The following NCOR1 variants were observed in gnomAD, a reference collection of about 807,000 sequenced individuals.
NCOR1 encodes nuclear receptor corepressor 1.
Under a neutral mutation model 288.1 loss-of-function variants are expected in NCOR1, and 63 were observed. The ratio of observed to expected loss-of-function variants is 0.22; its 90% CI spans 0.18 to 0.27. The LOEUF is 0.27. Among genes scored for constraint, NCOR1 ranks in the 10% least tolerant of loss-of-function variants. The pLI, the probability that NCOR1 is intolerant of heterozygous loss-of-function variation, is 1.00. For synonymous variants in NCOR1, 1,007 were observed against 1,065.9 expected (o/e 0.94, Z 1.08); for missense variants, 2,397 against 3,019.2 (o/e 0.79, Z 4.83).
chr17:16,070,326 A>G lies in NCOR1; in HGVS notation c.4352T>C (p.Val1451Ala), dbSNP rs752397038. 5 of 1,614,146 alleles carry G rather than the reference A, an allele frequency of 3.1e-6. No individual in the cohort carries two copies. In the South Asian group the frequency reaches 5.5e-5, roughly 18 times the overall value. ...AAGAACGGAGGGGCCAGAGCTTACCACTGACGTGTGCCGGGAACGCACGGT... is the reference window on the plus strand; with the variant it reads ...AAGAACGGAGGGGCCAGAGCTTACCGCTGACGTGTGCCGGGAACGCACGGT... ...GETVRSRHTS[V>A]VSSGPSVLRS... The change falls in exon 31 of 46, where the codon GTG (valine) becomes GCG (alanine). Residue 1451 changes from valine (V) to alanine (A), a missense_variant. Physicochemically the swap from Val to Ala is moderately conservative, Grantham distance 64 (BLOSUM62 0). Transcript: ENST00000268712.
In NCOR1 at chr17:16,039,673, C is replaced by T. The variant is rs1325296171; in HGVS notation, c.6734-19G>A. ...ACTGAGCCTGAAAGAGAATCAAAAA[C>T]ATTTCCACTTATTTCTGAAAGGCCA... is the stretch of plus-strand genomic sequence containing the variant. On this transcript the variant is annotated intron_variant, in intron 43 of 45. Coordinates refer to ENST00000268712, the MANE Select transcript of NCOR1 (RefSeq NM_006311.4). 6 of 1,599,770 alleles carry T rather than the reference C, an allele frequency of 3.8e-6. No homozygotes were observed.
intron 26 of NCOR1, among the ~76,000 whole-genome samples, chr17:16,076,026 G>T (rs944148920): frequency 2.0e-5 from 3 of 152,192 alleles, no homozygotes; most frequent in African/African-American, 4.8e-5. Flanking sequence ...TCAAGTAAAT[G>T]TAACAGCTTT....
chr17:16,099,913 C>T (rs2067291189), intron 20 of NCOR1, among the ~76,000 whole-genome samples: 1 of 152,044 alleles, frequency 6.6e-6, no homozygotes, highest in South Asian at 2.1e-4. Context: ...CACTATAATG[C>T]TCCATATTAT....
intron 29 of NCOR1, 50 bp from the exon 30 acceptor site, chr17:16,071,715 CAAT>C: frequency 6.5e-7 from 1 of 1,541,018 alleles, no homozygotes. Flanking sequence ...GGTTGCACAA[CAAT>C]GCCACGGAAC....
intron 44 of NCOR1, among the ~76,000 whole-genome samples, chr17:16,037,685 T>C (rs972224203): frequency 1.3e-5 from 2 of 152,140 alleles, no homozygotes; most frequent in Non-Finnish European, 2.9e-5. Flanking sequence ...AGAAATAATA[T>C]GTAAAGGAAA....
chr17:16,177,809 C>A (rs1372185966), intron 3 of NCOR1, among the ~76,000 whole-genome samples: 1 of 152,160 alleles, frequency 6.6e-6, no homozygotes, highest in African/African-American at 2.4e-5. Flanking sequence ...AAACCATTCA[C>A]CACCACCAAT....
intron 21 of NCOR1, 144 bp downstream of exon 21, chr17:16,098,223 T>C (rs2066987482): frequency 6.4e-6 from 5 of 785,082 alleles, no homozygotes; most frequent in South Asian, 5.3e-5. Context: ...ACTGTATACT[T>C]AGAATTGGTT....
At chr17:16,147,840 C>A (rs752552635) in intron 9 of NCOR1, among the ~76,000 whole-genome samples, 1 of 151,796 alleles carries the variant, frequency 6.6e-6, no homozygotes, top group African/African-American at 2.4e-5. Context: ...TTTTTTGGAA[C>A]CAAGTTTCAC....
intron 37 of NCOR1, among the ~76,000 whole-genome samples, chr17:16,060,712 G>T (rs2060460589): frequency 6.6e-6 from 1 of 151,990 alleles, no homozygotes; most frequent in South Asian, 2.1e-4. Context: ...ATTCAATGGA[G>T]ATAACAGAAA....
At chr17:16,158,652 A>C (rs1174880257) in intron 6 of NCOR1, 108 bp downstream of exon 6, 2 of 589,604 alleles carry the variant, frequency 3.4e-6, no homozygotes, top group Non-Finnish European at 5.7e-6. Flanking sequence ...TTGTAAGAGA[A>C]ATCAGGTTTT....
At position 16,080,632 on chromosome 17, in the gene NCOR1, T is replaced by C. The variant is rs768048910; in HGVS notation, c.3273A>G (p.Pro1091=). The C allele has an allele frequency of 6.2e-6, 10 of 1,614,128 alleles. No individual in the cohort carries two copies. Among genetic ancestry groups the C allele is most frequent in the Non-Finnish European group, 8.5e-6 (10 of 1,179,988 alleles). Residue 1091 remains proline (P), a synonymous_variant, in exon 24 of 46, where the codon CCA becomes CCG. Coordinates refer to ENST00000268712, the MANE Select transcript of NCOR1 (RefSeq NM_006311.4). ...PSVGSISLGL[P]RQQESAKSAT... Reference sequence around the variant, plus strand: ...CTGATTTGGCAGATTCCTGTTGCCGTGGCAGTCCAAGAGAGATAGATCCCA... The same window carrying C: ...CTGATTTGGCAGATTCCTGTTGCCGCGGCAGTCCAAGAGAGATAGATCCCA...
chr17:16,136,806 C>CAAAAAAA (rs60523446), intron 14 of NCOR1, among the ~76,000 whole-genome samples: 3 of 111,804 alleles, frequency 2.7e-5, no homozygotes, highest in African/African-American at 7.4e-5. Context: ...GACTCTGTTT[C>CAAAAAAA]AAAAAAAAAA....
intron 1 of NCOR1, among the ~76,000 whole-genome samples, chr17:16,207,568 C>G (rs1344747165): frequency 1.3e-5 from 2 of 151,868 alleles, no homozygotes; most frequent in African/African-American, 4.8e-5. Context: ...AGTGAAACCC[C>G]ATCTCTACTA....
In NCOR1 at chr17:16,186,567, G is replaced by A. The variant is rs764563143; in HGVS notation, c.229C>T (p.Pro77Ser). ...AAACCTCATTACCTGTCAGAACCTG[G>A]GTGAAATTCTGAAAGCAAGGAAGGT... ...RRPSLLSEFH[P>S]GSDRPQERRT... The change falls in exon 3 of 46, where the codon CCA becomes TCA. Residue 77 changes from proline (P) to serine (S), a missense_variant. Coordinates refer to ENST00000268712, the MANE Select transcript of NCOR1 (RefSeq NM_006311.4). 2 of 1,613,940 alleles carry A rather than the reference G, an allele frequency of 1.2e-6. No homozygotes were observed. Among genetic ancestry groups the A allele is most frequent in the South Asian group, 2.2e-5 (2 of 91,030 alleles).
Position 16,153,390 on chromosome 17 carries a change from T to A in NCOR1, c.738A>T (p.Lys246Asn). ...VQIIYDENRKKAEEAHKIFEG... is the reference protein window; with the variant it reads ...VQIIYDENRKNAEEAHKIFEG... ...CAAAAATTTTATGAGCTTCTTCTGC[T>A]TTTTTCTAGAGATAAAGACATTGTT... Residue 246 changes from lysine to asparagine, a missense_variant, in exon 7 of 46, where the codon AAA (lysine) becomes AAT (asparagine). By Grantham distance (94) the Lys-to-Asn change is moderately conservative. This residue lies in a region of NCOR1 where 76 missense variants were observed against 102.2 expected (regional missense o/e 0.74). Transcript: ENST00000268712. 2 of 1,593,462 alleles carry A rather than the reference T, an allele frequency of 1.3e-6. No homozygotes were observed. The highest frequency in any genetic ancestry group is 1.7e-6 in the Non-Finnish European group (2 of 1,166,782).
At chr17:16,164,902 A>C in intron 5 of NCOR1, 77 bp downstream of exon 5, 1 of 1,084,762 alleles carries the variant, frequency 9.2e-7, no homozygotes, top group Non-Finnish European at 1.3e-6. Flanking sequence ...AAAGTTTCAA[A>C]ATATGGAAAA....
chr17:16,206,409 G>A (rs560735017), intron 1 of NCOR1, among the ~76,000 whole-genome samples: 4 of 151,030 alleles, frequency 2.6e-5, no homozygotes, highest in East Asian at 1.9e-4. Context: ...TTTTTGAAAC[G>A]GAGTCTCACT....
In NCOR1 at chr17:16,061,631, G is replaced by T; in HGVS notation, c.5651C>A (p.Ser1884Tyr). The change falls in exon 37 of 46, where the codon TCT becomes TAT. Residue 1884 changes from serine to tyrosine, a missense_variant. Ser to Tyr is a moderately radical substitution (Grantham distance 144). This residue lies in a region of NCOR1 where 1,872 missense variants were observed against 2,187.8 expected (regional missense o/e 0.86). Coordinates refer to ENST00000268712, the MANE Select transcript of NCOR1 (RefSeq NM_006311.4). ...GGGCTTGCCACTTGGAAAGGCTGAA[G>T]AAGTGTATAAACACTGAACAGATCT... ...EKRSVQCLYT[S>Y]SAFPSGKPQP... is the part of the protein sequence containing the mutation. 6.2e-7 allele frequency: 1 copy of T among 1,614,240 alleles called. No homozygotes were observed. The highest frequency in any genetic ancestry group is 2.2e-5 in the East Asian group (1 of 44,888).
At chr17:16,145,824 G>A (rs762379262) in intron 10 of NCOR1, among the ~76,000 whole-genome samples, 39 of 152,346 alleles carry the variant, frequency 2.6e-4, no homozygotes, top group Admixed American at 5.2e-4. Flanking sequence ...GAGCCGGCCA[G>A]GATGACGATG....
Sources: gnomAD v4.1 joint callset for allele counts (sites outside exome capture counted in the v4.1 genomes callset) on GRCh38, gnomAD v4.1.1 for gene constraint, gnomAD v4.1.1 regional missense constraint, MANE v1.5 for transcripts, NCBI Gene and HGNC (gene_info 2026-07-23, HGNC 2026-07-21) for gene names.